FHOD3: variants seen among roughly 807,000 people sequenced by gnomAD.
The protein encoded by FHOD3 is FH1/FH2 domain-containing protein 3.
In FHOD3, 90 loss-of-function variants were observed where a neutral mutation model predicts 173.0. That is an observed-to-expected ratio of 0.52 (90% CI 0.44 to 0.62). The LOEUF is 0.62. Among genes scored for constraint, FHOD3 ranks in the 20% least tolerant of loss-of-function variants. The pLI is 0.00. For synonymous variants in FHOD3, 828 were observed against 823.0 expected (o/e 1.01, Z -0.10); for missense variants, 1,945 against 2,034.7 (o/e 0.96, Z 0.85).
chr18:36,517,647 C>T (rs947850488), intron 5 of FHOD3, among the ~76,000 whole-genome samples: 4 of 152,214 alleles, frequency 2.6e-5, no homozygotes, highest in South Asian at 2.1e-4. Context: ...AATCATAAAA[C>T]GCCTCAGTCG....
intron 4 of FHOD3, among the ~76,000 whole-genome samples, chr18:36,511,384 T>G (rs2055639486): frequency 6.6e-6 from 1 of 152,026 alleles, no homozygotes; most frequent in Admixed American, 6.5e-5. Flanking sequence ...CTTTTCTTTT[T>G]GCCACTCCTG....
At chr18:36,709,988 C>A (rs2040081333) in intron 18 of FHOD3, 1 of 152,372 alleles carries the variant, frequency 6.6e-6, no homozygotes, top group South Asian at 2.1e-4. Flanking sequence ...CATAACTATT[C>A]TTTTCTTTGT....
At position 36,398,474 on chromosome 18, in the gene FHOD3, AC is replaced by A. The variant is rs2048655996; in HGVS notation, c.337+25731del. 2.6e-5 allele frequency among the ~76,000 whole-genome samples: 4 copies of A among 152,140 alleles called. No individual in the cohort carries two copies. The South Asian group carries it at 8.3e-4, about 32-fold the overall frequency. Reference sequence around the variant, plus strand: ...TGGATCATGTTGTAATTCTATAACCACTGTTTTTTTCAGAAAGAAAATGCCG... The same window carrying A: ...TGGATCATGTTGTAATTCTATAACCATGTTTTTTTCAGAAAGAAAATGCCG... On this transcript the variant is annotated intron_variant, in intron 3 of 28. Coordinates refer to ENST00000590592, the MANE Select transcript of FHOD3 (RefSeq NM_001281740.3).
chr18:36,299,994 A>G (rs919632509), intron 1 of FHOD3, among the ~76,000 whole-genome samples: 2 of 152,228 alleles, frequency 1.3e-5, no homozygotes, highest in East Asian at 3.8e-4. Context: ...ACTAATTTCC[A>G]TCAGAGAATC....
chr18:36,481,789 A>G (rs1229616811), intron 3 of FHOD3, among the ~76,000 whole-genome samples: 1 of 152,214 alleles, frequency 6.6e-6, no homozygotes, highest in Non-Finnish European at 1.5e-5. Context: ...ATTTTAAAAG[A>G]CATTCCTTTG....
intron 14 of FHOD3, among the ~76,000 whole-genome samples, chr18:36,665,322 A>G (rs2037104712): frequency 6.6e-6 from 1 of 152,244 alleles, no homozygotes; most frequent in Admixed American, 6.5e-5. Context: ...TGAATCAGAC[A>G]CAGTCCCTGA....
intron 5 of FHOD3, among the ~76,000 whole-genome samples, chr18:36,522,820 G>C (rs16967927): frequency 0.012 from 1,847 of 152,342 alleles, 31 homozygotes; most frequent in African/African-American, 0.042. Context: ...AGAAATGTGT[G>C]TGCATGATCA....
intron 19 of FHOD3, among the ~76,000 whole-genome samples, chr18:36,730,277 C>A (rs962977426): frequency 3.3e-5 from 5 of 152,194 alleles, no homozygotes; most frequent in Non-Finnish European, 7.3e-5. Context: ...GAAGGCCAAC[C>A]AAGACATTCG....
chr18:36,464,656 A>T (rs1468282692), intron 3 of FHOD3, among the ~76,000 whole-genome samples: 4 of 151,948 alleles, frequency 2.6e-5, no homozygotes, highest in Non-Finnish European at 5.9e-5. Context: ...CAAGTGGAGA[A>T]AGAGAGGGAG....
intron 4 of FHOD3, among the ~76,000 whole-genome samples, chr18:36,509,656 A>G (rs1171112696): frequency 6.6e-6 from 1 of 152,214 alleles, no homozygotes; most frequent in Non-Finnish European, 1.5e-5. Context: ...AGGATGATCA[A>G]TGAAATAGGG....
intron 9 of FHOD3, among the ~76,000 whole-genome samples, chr18:36,614,082 A>G (rs2032959345): frequency 6.6e-6 from 1 of 152,208 alleles, no homozygotes; most frequent in South Asian, 2.1e-4. Context: ...ACAAGGTTGT[A>G]CAATCATCAC....
intron 1 of FHOD3, among the ~76,000 whole-genome samples, chr18:36,344,543 G>A (rs575868839): frequency 2.3e-3 from 355 of 152,172 alleles, no homozygotes; most frequent in Non-Finnish European, 3.4e-3. Context: ...TCACTAAAAG[G>A]CTTAATAAAA....
At chr18:36,445,212 G>T (rs1183156361) in intron 3 of FHOD3, among the ~76,000 whole-genome samples, 1 of 152,202 alleles carries the variant, frequency 6.6e-6, no homozygotes, top group Non-Finnish European at 1.5e-5. Flanking sequence ...AGCAGAAAGA[G>T]AATAGGCTTT....
intron 28 of FHOD3, among the ~76,000 whole-genome samples, chr18:36,776,745 G>T (rs185039524): frequency 1.3e-5 from 2 of 152,166 alleles, no homozygotes; most frequent in Non-Finnish European, 2.9e-5. Context: ...AGACCAGAGG[G>T]TGAAGCAGCA....
At chr18:36,389,987 G>A (rs2048217397) in intron 3 of FHOD3, among the ~76,000 whole-genome samples, 1 of 152,158 alleles carries the variant, frequency 6.6e-6, no homozygotes, top group African/African-American at 2.4e-5. Flanking sequence ...TCTGTCATGA[G>A]CTGTCTCAGT....
At chr18:36,458,385 C>A (rs1195460581) in intron 3 of FHOD3, among the ~76,000 whole-genome samples, 2 of 152,162 alleles carry the variant, frequency 1.3e-5, no homozygotes, top group African/African-American at 4.8e-5. Flanking sequence ...GAGATCCTAA[C>A]AGTTATTAAA....
At chr18:36,453,146 T>G (rs537227021) in intron 3 of FHOD3, among the ~76,000 whole-genome samples, 1 of 152,302 alleles carries the variant, frequency 6.6e-6, no homozygotes, top group South Asian at 2.1e-4. Context: ...TTGATCAAAC[T>G]AATTCTAGCT....
chr18:36,612,576 ACTTT>A (rs1335173786), intron 9 of FHOD3, among the ~76,000 whole-genome samples: 2 of 152,184 alleles, frequency 1.3e-5, no homozygotes, highest in Non-Finnish European at 2.9e-5. Flanking sequence ...ACAACTCTTC[ACTTT>A]CTTCTGTGGT....
At chr18:36,519,489 G>A (rs561711339) in intron 5 of FHOD3, among the ~76,000 whole-genome samples, 24 of 152,194 alleles carry the variant, frequency 1.6e-4, no homozygotes, top group Non-Finnish European at 2.9e-4. Flanking sequence ...TTGGAGGAGG[G>A]TGGTTTGGAG....
Sources: gnomAD v4.1 joint callset for allele counts (sites outside exome capture counted in the v4.1 genomes callset) on GRCh38, gnomAD v4.1.1 for gene constraint, MANE v1.5 for transcripts, NCBI Gene and HGNC (gene_info 2026-07-23, HGNC 2026-07-21) for gene names.